The following MAP4K3 variants were observed in gnomAD, a reference collection of about 807,000 sequenced individuals.
MAP4K3 encodes the protein mitogen-activated protein kinase kinase kinase kinase 3, also known as MAPK/ERK kinase kinase kinase 3.
In MAP4K3, 94 loss-of-function variants were observed where a neutral mutation model predicts 143.5. That is an observed-to-expected ratio of 0.65 (90% CI 0.55 to 0.78). The LOEUF is 0.78. MAP4K3 is among the 30% of genes least tolerant of loss of function. The probability of loss-of-function intolerance (pLI) is 0.00; values close to 1 mark genes in which losing one functional copy is unlikely to be tolerated. For missense variants in MAP4K3, 1,077 were observed against 1,068.1 expected (o/e 1.01, Z -0.12); for synonymous variants, 416 against 347.2 (o/e 1.20, Z -2.20).
intron 22 of MAP4K3, 126 bp downstream of exon 22, chr2:39,282,387 G>C: frequency 1.3e-6 from 1 of 756,454 alleles, no homozygotes; most frequent in Middle Eastern, 3.1e-4. Flanking sequence ...AATTAAATTA[G>C]CAATCTTATA....
chr2:39,303,955 G>A (rs973406593), intron 15 of MAP4K3, among the ~76,000 whole-genome samples: 1 of 152,222 alleles, frequency 6.6e-6, no homozygotes, highest in African/African-American at 2.4e-5. Context: ...AGACGGATGT[G>A]TAATATAATC....
rs115830490 is a variant in MAP4K3, at chr2:39,433,804, C to T, written c.96+3088G>A. On this transcript the variant is annotated intron_variant, in intron 1 of 33. Coordinates refer to ENST00000263881, the MANE Select transcript of MAP4K3 (RefSeq NM_003618.4). ...AGAGTTACACGACACTTACAAGATA[C>T]GACTTTAGACAGTGCAGATAAAATG... Among the ~76,000 whole-genome samples the T allele has an allele frequency of 6.6e-3, 1,003 of 152,170 alleles. 9 individuals are homozygous for T. The highest frequency in any genetic ancestry group is 0.023 in the African/African-American group (938 of 41,514).
At chr2:39,300,550 T>C (rs548287822) in intron 15 of MAP4K3, among the ~76,000 whole-genome samples, 47 of 152,356 alleles carry the variant, frequency 3.1e-4, no homozygotes, top group African/African-American at 1.1e-3. Flanking sequence ...AAGCTGCCTT[T>C]TGTCCTCTTC....
intron 15 of MAP4K3, among the ~76,000 whole-genome samples, chr2:39,301,304 T>C (rs1302797225): frequency 6.6e-6 from 1 of 152,216 alleles, no homozygotes; most frequent in Non-Finnish European, 1.5e-5. Flanking sequence ...TCACACAAAA[T>C]TCCAATGAAA....
intron 31 of MAP4K3, among the ~76,000 whole-genome samples, chr2:39,258,003 C>T (rs1030818380): frequency 2.0e-5 from 3 of 152,012 alleles, no homozygotes; most frequent in Non-Finnish European, 4.4e-5. Context: ...GCGATCTCAA[C>T]TCATTGCAAC....
chr2:39,424,455 G>A lies in MAP4K3; in HGVS notation c.96+12437C>T, dbSNP rs557295364. ...AACAGTCGTGGGCCCACTCAAAACA[G>A]CACATTGGAACGGAGACCCCCGAAT... On this transcript the variant is annotated intron_variant, in intron 1 of 33. Coordinates refer to ENST00000263881, the MANE Select transcript of MAP4K3 (RefSeq NM_003618.4). Among the ~76,000 whole-genome samples, 276 of 152,194 alleles carry A rather than the reference G, an allele frequency of 1.8e-3. 1 individual carries two copies. The highest frequency in any genetic ancestry group is 6.8e-3 in the Middle Eastern group (2 of 294).
chr2:39,415,980 AATAT>A lies in MAP4K3; in HGVS notation c.96+20908_96+20911del, dbSNP rs1553318574. ...AAAAAAAAAAAAAAAAAAAAAAAAAAATATATATATATATATATATATATAAAAA... is the reference window on the plus strand; with the variant it reads ...AAAAAAAAAAAAAAAAAAAAAAAAAAATATATATATATATATATATAAAAA... On this transcript the variant is annotated intron_variant, in intron 1 of 33. Transcript: ENST00000263881. 7.3e-3 allele frequency among the ~76,000 whole-genome samples: 107 copies of A among 14,758 alleles called. 4 individuals carry two copies. Among genetic ancestry groups the A allele is most frequent in the South Asian group, 9.4e-3 (3 of 320 alleles). The allele number at this position is 14,758 out of a possible 152,430, so 9.7% of individuals were successfully genotyped here.
At position 39,250,196 on chromosome 2, in the gene MAP4K3, C is replaced by A. The variant is rs1680094985; in HGVS notation, c.*422G>T. 6.5e-6 allele frequency: 1 copy of A among 153,802 alleles called. No individual in the cohort carries two copies. Among genetic ancestry groups the A allele is most frequent in the African/African-American group, 2.4e-5 (1 of 41,490 alleles). 9.5% of individuals were successfully genotyped at this position (153,802 alleles called of 1,614,324 possible). A position where few individuals can be genotyped will look rare whatever the true frequency, so the allele number is the denominator to read the frequency against. Reference sequence around the variant, plus strand: ...ATGTATTGTTTCATTGCCAGCATCCCATTTTGTAATATAGCCACACCCAAG... The same window carrying A: ...ATGTATTGTTTCATTGCCAGCATCCAATTTTGTAATATAGCCACACCCAAG... On this transcript the variant is annotated 3_prime_UTR_variant, in exon 34 of 34. Coordinates refer to ENST00000263881, the MANE Select transcript of MAP4K3 (RefSeq NM_003618.4).
At chr2:39,284,405 C>T (rs945202741) in intron 21 of MAP4K3, among the ~76,000 whole-genome samples, 4 of 152,110 alleles carry the variant, frequency 2.6e-5, no homozygotes, top group Admixed American at 1.3e-4. Context: ...AAATGATCCA[C>T]CTGTCTTGGC....
At chr2:39,354,073 T>C (rs1573188956) in intron 3 of MAP4K3, among the ~76,000 whole-genome samples, 2 of 152,078 alleles carry the variant, frequency 1.3e-5, no homozygotes, top group African/African-American at 4.8e-5. Flanking sequence ...GGGTGCCACA[T>C]AAATGAGTGG....
Position 39,308,014 on chromosome 2 carries a change from C to CAG in MAP4K3, c.1057-11_1057-10dup. 6.3e-7 allele frequency: 1 copy of CAG among 1,588,624 alleles called. No individual in the cohort carries two copies. Among genetic ancestry groups the CAG allele is most frequent in the Non-Finnish European group, 8.6e-7 (1 of 1,168,574 alleles). ...AAACCATCACTGTCGGGCTGTTTAG[C>CAG]AGAGACCAAGAAACCCAAGTTATTT... is the stretch of plus-strand genomic sequence containing the variant. On this transcript the variant is annotated splice_polypyrimidine_tract_variant and intron_variant, in intron 14 of 33. Transcript: ENST00000263881.
At chr2:39,308,245 A>T (rs1244523314) in intron 14 of MAP4K3, among the ~76,000 whole-genome samples, 1 of 152,232 alleles carries the variant, frequency 6.6e-6, no homozygotes, top group Non-Finnish European at 1.5e-5. Context: ...TTACAAAGGG[A>T]AACAAAAAAT....
At chr2:39,251,122 A>T (rs1274265754) in intron 33 of MAP4K3, among the ~76,000 whole-genome samples, 1 of 152,228 alleles carries the variant, frequency 6.6e-6, no homozygotes, top group Non-Finnish European at 1.5e-5. Flanking sequence ...CTAGGGGGCC[A>T]GGGCGCTCAC....
intron 1 of MAP4K3, among the ~76,000 whole-genome samples, chr2:39,396,707 T>C (rs981691452): frequency 2.0e-5 from 3 of 152,102 alleles, no homozygotes; most frequent in Non-Finnish European, 4.4e-5. Flanking sequence ...TCTCCTGACC[T>C]TGTGATCCGC....
chr2:39,409,304 T>C (rs567640073), intron 1 of MAP4K3, among the ~76,000 whole-genome samples: 19 of 152,232 alleles, frequency 1.2e-4, no homozygotes, highest in Non-Finnish European at 2.4e-4. Context: ...TGGTCAACAG[T>C]AGACTATTAG....
chr2:39,316,200 CAG>C (rs1683108190), intron 12 of MAP4K3, among the ~76,000 whole-genome samples: 2 of 151,604 alleles, frequency 1.3e-5, no homozygotes, highest in African/African-American at 4.8e-5. Flanking sequence ...AAATTATTTA[CAG>C]AGTCTAACTA....
intron 3 of MAP4K3, among the ~76,000 whole-genome samples, chr2:39,349,542 A>G (rs1210075377): frequency 6.6e-6 from 1 of 152,136 alleles, no homozygotes; most frequent in Non-Finnish European, 1.5e-5. Flanking sequence ...AAAATATCAC[A>G]TAGTCTTTTC....
At chr2:39,380,579 C>T (rs1027821002) in intron 1 of MAP4K3, among the ~76,000 whole-genome samples, 1 of 151,996 alleles carries the variant, frequency 6.6e-6, no homozygotes, top group South Asian at 2.1e-4. Context: ...ATAAAATGTT[C>T]ATACTTGTGA....
At chr2:39,379,076 T>C (rs990667702) in intron 1 of MAP4K3, among the ~76,000 whole-genome samples, 2 of 152,040 alleles carry the variant, frequency 1.3e-5, no homozygotes, top group Admixed American at 6.6e-5. Context: ...CACAGAAAGA[T>C]CCATTCATGT....
Sources: allele counts gnomAD v4.1 joint callset (sites outside exome capture counted in the v4.1 genomes callset), GRCh38; gene constraint gnomAD v4.1.1; transcripts MANE v1.5; gene names NCBI Gene and HGNC (gene_info 2026-07-23, HGNC 2026-07-21).